Variants in PRKAR2A observed in about 807,000 individuals in gnomAD.
The protein encoded by PRKAR2A is cAMP-dependent protein kinase type II-alpha regulatory subunit.
PRKAR2A carries 29 observed loss-of-function variants against 51.9 expected under a neutral mutation model. That is an observed-to-expected ratio of 0.56 (90% CI 0.42 to 0.76). The LOEUF (loss-of-function observed/expected upper bound fraction) is 0.76, where lower values mean the gene tolerates loss of function less well. Among genes scored for constraint, PRKAR2A ranks in the 30% least tolerant of loss-of-function variants. The probability of loss-of-function intolerance (pLI) is 0.00; values close to 1 mark genes in which losing one functional copy is unlikely to be tolerated. For synonymous variants in PRKAR2A, 178 were observed against 186.2 expected, an observed-to-expected ratio of 0.96 and a Z score of 0.36; for missense variants, 445 against 512.1, an observed-to-expected ratio of 0.87 and a Z score of 1.26.
At position 48,751,376 on chromosome 3, in the gene PRKAR2A, G is replaced by C. The variant is rs2081644730; in HGVS notation, c.*209C>G. 1.4e-6 allele frequency: 1 copy of C among 723,002 alleles called. No individual in the cohort carries two copies. Among genetic ancestry groups the C allele is most frequent in the East Asian group, 2.8e-5 (1 of 36,148 alleles). The allele number at this position is 723,002 out of a possible 1,614,324, so 44.8% of individuals were successfully genotyped here. On this transcript the variant is annotated 3_prime_UTR_variant, in exon 11 of 11. Transcript: ENST00000265563. ...TCTTTACAAGTGGTCTAATGAATGG[G>C]CCTTCAGAAGCAAAGTGGAGGTGTG...
intron 1 of PRKAR2A, among the ~76,000 whole-genome samples, chr3:48,833,722 A>AG (rs1199389417): frequency 3.9e-4 from 58 of 149,674 alleles, no homozygotes; most frequent in Admixed American, 4.7e-4. Context: ...AAAAAAAAAA[A>AG]AAAGAAAGAA....
At chr3:48,788,967 T>C (rs757706092) in intron 4 of PRKAR2A, among the ~76,000 whole-genome samples, 1 of 151,680 alleles carries the variant, frequency 6.6e-6, no homozygotes, top group African/African-American at 2.4e-5. Context: ...GATCCTATGC[T>C]AGGCCCTGCA....
chr3:48,791,872 C>T (rs1255012759), intron 3 of PRKAR2A, among the ~76,000 whole-genome samples: 10 of 135,148 alleles, frequency 7.4e-5, no homozygotes, highest in Non-Finnish European at 1.4e-4. Flanking sequence ...CATTGCACTC[C>T]GGCCTGGGCA....
Position 48,749,058 on chromosome 3 carries a change from T to C in PRKAR2A, c.*2527A>G, listed in dbSNP as rs1274405155. The C allele has an allele frequency of 6.6e-6, 1 of 152,226 alleles. No individual in the cohort carries two copies. Among genetic ancestry groups the C allele is most frequent in the African/African-American group, 2.4e-5 (1 of 41,452 alleles). The allele number at this position is 152,226 out of a possible 1,614,324, so 9.4% of individuals were successfully genotyped here. A position where few individuals can be genotyped will look rare whatever the true frequency, so the allele number is the denominator to read the frequency against. The stretch of plus-strand genomic sequence containing the variant: ...CGGAAAGCCTAGCTTATGTGGATAG[T>C]TGAAGGTGACTGTGTGGGCCATCAT... On this transcript the variant is annotated 3_prime_UTR_variant, in exon 11 of 11. Transcript: ENST00000265563.
chr3:48,787,509 A>G (rs931432301), intron 4 of PRKAR2A, among the ~76,000 whole-genome samples: 1 of 152,078 alleles, frequency 6.6e-6, no homozygotes, highest in African/African-American at 2.4e-5. Flanking sequence ...TCAACACTCA[A>G]ATGGTATTCT....
Position 48,773,043 on chromosome 3 carries a change from C to T in PRKAR2A, c.608G>A (p.Arg203His), listed in dbSNP as rs370984187. 2.9e-5 allele frequency: 46 copies of T among 1,613,510 alleles called. No individual in the cohort carries two copies. Among genetic ancestry groups the T allele is most frequent in the South Asian group, 1.3e-4 (12 of 91,038 alleles). ...CAGAGCTAGTTCTCCAAAACTGCCA[C>T]GGTTGTCATATTGACCAACAGAGCG... ...QTRSVGQYDNRGSFGELALMY... is the reference protein window; with the variant it reads ...QTRSVGQYDNHGSFGELALMY... The change falls in exon 6 of 11, where the codon CGT becomes CAT. Residue 203 changes from arginine (R) to histidine (H), a missense_variant. Physicochemically the swap from Arg to His is conservative, Grantham distance 29. Coordinates refer to ENST00000265563, the MANE Select transcript of PRKAR2A (RefSeq NM_004157.4).
intron 8 of PRKAR2A, among the ~76,000 whole-genome samples, chr3:48,762,824 A>G (rs1180736803): frequency 6.6e-6 from 1 of 152,182 alleles, no homozygotes; most frequent in African/African-American, 2.4e-5. Flanking sequence ...GGAACGATCT[A>G]CTGATACATA....
Position 48,831,166 on chromosome 3 carries a change from T to C in PRKAR2A, c.262+16169A>G, listed in dbSNP as rs373139374. Among the ~76,000 whole-genome samples the C allele has an allele frequency of 2.6e-5, 4 of 152,202 alleles. No homozygotes were observed. In the East Asian group the frequency reaches 7.7e-4, roughly 29 times the overall value. ...CAGGGTAGGTTTGTTTACACCAGCA[T>C]CACCACAAACATGTAATGTGTTGTA... On this transcript the variant is annotated intron_variant, in intron 1 of 10. Coordinates refer to ENST00000265563, the MANE Select transcript of PRKAR2A (RefSeq NM_004157.4).
chr3:48,758,841 T>C (rs2081817028), intron 8 of PRKAR2A, among the ~76,000 whole-genome samples: 1 of 152,138 alleles, frequency 6.6e-6, no homozygotes. Flanking sequence ...TGGATGACTT[T>C]CCTCAGAAGC....
intron 6 of PRKAR2A, among the ~76,000 whole-genome samples, chr3:48,768,163 G>A (rs560075758): frequency 8.6e-4 from 130 of 151,704 alleles, no homozygotes; most frequent in African/African-American, 3.0e-3. Context: ...GCGTGGTGGC[G>A]TGCACTTGTG....
chr3:48,781,424 C>T (rs1331844335), intron 5 of PRKAR2A, among the ~76,000 whole-genome samples: 1 of 151,886 alleles, frequency 6.6e-6, no homozygotes, highest in Non-Finnish European at 1.5e-5. Context: ...TCACTGTAAC[C>T]TCCACCTCCC....
At chr3:48,844,232 A>G (rs2083424705) in intron 1 of PRKAR2A, among the ~76,000 whole-genome samples, 1 of 152,234 alleles carries the variant, frequency 6.6e-6, no homozygotes, top group Admixed American at 6.6e-5. Context: ...AGACAAATGA[A>G]AAAATGCTCA....
chr3:48,752,226 T>C lies in PRKAR2A; in HGVS notation c.1031A>G (p.Asn344Ser), dbSNP rs200188798. The stretch of plus-strand genomic sequence containing the variant: ...ATAAGCTGAGGCAGCTCTGGGTTTG[T>C]TGGTGACCAGGGCAAGCTCTCCAAA... ...QYFGELALVT[N>S]KPRAASAYAV... The change falls in exon 10 of 11, where the codon AAC (asparagine) becomes AGC (serine). Residue 344 changes from asparagine (N) to serine (S), a missense_variant. Asn to Ser is a conservative substitution (Grantham distance 46, BLOSUM62 1). Coordinates refer to ENST00000265563, the MANE Select transcript of PRKAR2A (RefSeq NM_004157.4). The C allele has an allele frequency of 4.4e-5, 71 of 1,614,258 alleles. No individual in the cohort carries two copies. In the African/African-American group the frequency reaches 7.2e-4, roughly 16 times the overall value.
At chr3:48,844,822 C>T (rs1468247375) in intron 1 of PRKAR2A, among the ~76,000 whole-genome samples, 1 of 131,462 alleles carries the variant, frequency 7.6e-6, no homozygotes, top group East Asian at 2.3e-4. Flanking sequence ...GAACATCACA[C>T]TCTGGGGACT....
intron 2 of PRKAR2A, among the ~76,000 whole-genome samples, chr3:48,796,237 T>C (rs2082489306): frequency 1.3e-5 from 2 of 152,198 alleles, no homozygotes; most frequent in African/African-American, 4.8e-5. Context: ...TTCCTCTGCA[T>C]AATGGCATGA....
intron 8 of PRKAR2A, among the ~76,000 whole-genome samples, chr3:48,760,302 A>C (rs1235342238): frequency 1.3e-5 from 2 of 152,194 alleles, no homozygotes; most frequent in Non-Finnish European, 2.9e-5. Flanking sequence ...GGTTGTAGTC[A>C]GCCGAGATTG....
intron 3 of PRKAR2A, 63 bp from the exon 4 acceptor site, chr3:48,790,690 T>C (rs1241256322): frequency 5.8e-6 from 6 of 1,035,522 alleles, no homozygotes; most frequent in African/African-American, 1.7e-5. Flanking sequence ...CACTTAAAGA[T>C]TGGTATATTT....
At chr3:48,809,603 A>C (rs1479046459) in intron 1 of PRKAR2A, among the ~76,000 whole-genome samples, 4 of 127,506 alleles carry the variant, frequency 3.1e-5, no homozygotes, top group Non-Finnish European at 7.4e-5. Flanking sequence ...CTCAAAAAAA[A>C]AAAAAAAAAA....
intron 5 of PRKAR2A, among the ~76,000 whole-genome samples, chr3:48,778,834 T>C (rs1240330846): frequency 6.8e-6 from 1 of 146,612 alleles, no homozygotes; most frequent in Non-Finnish European, 1.5e-5. Flanking sequence ...TTTTTTTTTT[T>C]TTTTTTTTGA....
Sources: allele counts gnomAD v4.1 joint callset (sites outside exome capture counted in the v4.1 genomes callset), GRCh38; gene constraint gnomAD v4.1.1; transcripts MANE v1.5; gene names NCBI Gene and HGNC (gene_info 2026-07-23, HGNC 2026-07-21).